The following ROCK1 variants were observed in gnomAD, a reference collection of about 807,000 sequenced individuals.
The protein encoded by ROCK1 is rho-associated protein kinase 1.
In ROCK1, 36 loss-of-function variants were observed where a neutral mutation model predicts 196.8. The observed-to-expected ratio is 0.18, with a 90% confidence interval of 0.14 to 0.24. The LOEUF is 0.24. Ranked by LOEUF, ROCK1 falls within the 10% of genes least tolerant of loss-of-function variation. The pLI is 1.00. For synonymous variants in ROCK1, 443 were observed against 515.9 expected (o/e 0.86, Z 1.91); for missense variants, 920 against 1,562.0 (o/e 0.59, Z 6.93).
intron 1 of ROCK1, among the ~76,000 whole-genome samples, chr18:21,076,961 CTTTTT>C (rs71178160): frequency 3.0e-5 from 2 of 65,962 alleles, no homozygotes; most frequent in African/African-American, 6.2e-5. Context: ...AAAGGACAGT[CTTTTT>C]TTTTTTTTTT....
At chr18:21,106,074 C>T (rs935442054) in intron 1 of ROCK1, among the ~76,000 whole-genome samples, 3 of 152,158 alleles carry the variant, frequency 2.0e-5, no homozygotes, top group Admixed American at 6.5e-5. Flanking sequence ...TAGTGACAAA[C>T]AGCACAGTGT....
intron 4 of ROCK1, among the ~76,000 whole-genome samples, chr18:21,047,721 G>T (rs775969572): frequency 7.2e-5 from 11 of 152,004 alleles, no homozygotes; most frequent in African/African-American, 2.7e-4. Flanking sequence ...GTGAACTCAG[G>T]GGGCAGAGCT....
intron 12 of ROCK1, among the ~76,000 whole-genome samples, chr18:21,019,420 CT>C (rs1374574375): frequency 2.6e-5 from 4 of 152,120 alleles, no homozygotes; most frequent in African/African-American, 9.7e-5. Flanking sequence ...CTAATTTGCC[CT>C]TTTAGTTAGC....
intron 1 of ROCK1, among the ~76,000 whole-genome samples, chr18:21,081,449 A>AGG (rs781200858): frequency 1.3e-5 from 2 of 152,128 alleles, no homozygotes; most frequent in Non-Finnish European, 1.5e-5. Flanking sequence ...ACCTAACTTA[A>AGG]TACTATAAGG....
intron 27 of ROCK1, 130 bp downstream of exon 27, chr18:20,966,787 A>G: frequency 1.4e-6 from 1 of 700,914 alleles, no homozygotes; most frequent in East Asian, 2.7e-5. Flanking sequence ...GGCCTTGGCT[A>G]TCAGAAATAA....
intron 9 of ROCK1, among the ~76,000 whole-genome samples, chr18:21,032,558 T>G (rs977474314): frequency 1.3e-5 from 2 of 149,534 alleles, no homozygotes; most frequent in South Asian, 2.1e-4. Context: ...AGGAGTGCAT[T>G]GCACTACACT....
At position 20,961,114 on chromosome 18, in the gene ROCK1, T is replaced by C. The variant is rs538487745; in HGVS notation, c.3353-908A>G. ...GGGATAAAGACAACTCCATTAGAAA[T>C]AGTTATTTTAGATCAGGTTGGAAAT... is the stretch of plus-strand genomic sequence containing the variant. On this transcript the variant is annotated intron_variant, in intron 27 of 32. Coordinates refer to ENST00000399799, the MANE Select transcript of ROCK1 (RefSeq NM_005406.3). 7.4e-4 allele frequency among the ~76,000 whole-genome samples: 112 copies of C among 152,240 alleles called. 1 individual carries two copies. The highest frequency in any genetic ancestry group is 2.4e-3 in the African/African-American group (101 of 41,562).
chr18:20,955,349 T>C, intron 29 of ROCK1, 104 bp from the exon 30 acceptor site: 3 of 882,818 alleles, frequency 3.4e-6, no homozygotes, highest in East Asian at 5.4e-5. Flanking sequence ...CAAAAAGATA[T>C]TCAACATCAT....
At chr18:21,042,476 TTAATA>T (rs2143504623) in intron 7 of ROCK1, 84 bp downstream of exon 7, 2 of 1,316,882 alleles carry the variant, frequency 1.5e-6, no homozygotes, top group Non-Finnish European at 2.1e-6. Context: ...TCAAGATTGC[TTAATA>T]TAATAAATAT....
intron 2 of ROCK1, 53 bp downstream of exon 2, chr18:21,070,479 T>G: frequency 2.1e-6 from 2 of 936,364 alleles, no homozygotes; most frequent in African/African-American, 1.7e-5. Flanking sequence ...ATGACATAAG[T>G]GAAAATGTAG....
intron 6 of ROCK1, among the ~76,000 whole-genome samples, chr18:21,043,819 C>T (rs1443124932): frequency 1.3e-5 from 2 of 151,794 alleles, no homozygotes; most frequent in African/African-American, 4.8e-5. Flanking sequence ...AATTCCATTC[C>T]TAGTTACCAG....
chr18:21,045,141 G>A (rs543807930), intron 5 of ROCK1, 151 bp downstream of exon 5: 30 of 594,558 alleles, frequency 5.0e-5, no homozygotes, highest in African/African-American at 1.3e-4. Flanking sequence ...GATTACAGGC[G>A]TGAGGCAGCG....
chr18:20,960,277 T>G, intron 27 of ROCK1, 71 bp from the exon 28 acceptor site: 1 of 920,162 alleles, frequency 1.1e-6, no homozygotes, highest in East Asian at 2.4e-5. Context: ...AAAAGTTGTC[T>G]GACAGCATGC....
chr18:21,085,265 A>T (rs1056476050), intron 1 of ROCK1, among the ~76,000 whole-genome samples: 5 of 148,222 alleles, frequency 3.4e-5, no homozygotes, highest in African/African-American at 1.2e-4. Context: ...TGCACCTGTA[A>T]TCCCAGCTAC....
intron 1 of ROCK1, among the ~76,000 whole-genome samples, chr18:21,089,896 T>G (rs1439774576): frequency 6.6e-6 from 1 of 152,200 alleles, no homozygotes; most frequent in South Asian, 2.1e-4. Context: ...TTATTAAGTC[T>G]GAGATTGTAG....
intron 1 of ROCK1, among the ~76,000 whole-genome samples, chr18:21,076,169 C>T (rs891758872): frequency 6.6e-5 from 10 of 152,114 alleles, no homozygotes; most frequent in East Asian, 1.9e-4. Flanking sequence ...CACTGATGGT[C>T]GCACAACAAC....
chr18:21,001,049 G>A (rs2035719607), intron 16 of ROCK1, among the ~76,000 whole-genome samples: 2 of 152,168 alleles, frequency 1.3e-5, no homozygotes, highest in South Asian at 4.1e-4. Context: ...ACAGATGAAT[G>A]GCTAAGCAAA....
chr18:21,059,501 A>G (rs1471966444), intron 2 of ROCK1, among the ~76,000 whole-genome samples: 1 of 152,216 alleles, frequency 6.6e-6, no homozygotes, highest in East Asian at 1.9e-4. Context: ...CTGAAATATT[A>G]AAAACACTTA....
chr18:21,024,810 C>A (rs1226206171), intron 10 of ROCK1, among the ~76,000 whole-genome samples: 2 of 152,072 alleles, frequency 1.3e-5, no homozygotes, highest in African/African-American at 2.4e-5. Context: ...AACTTTAAGA[C>A]AATAATAGGG....
Sources: allele counts gnomAD v4.1 joint callset (sites outside exome capture counted in the v4.1 genomes callset), GRCh38; gene constraint gnomAD v4.1.1; transcripts MANE v1.5; gene names NCBI Gene and HGNC (gene_info 2026-07-23, HGNC 2026-07-21).